TCP11: variants seen among roughly 807,000 people sequenced by gnomAD.
TCP11 encodes the protein T-complex protein 11 homolog.
A neutral mutation model predicts 45.0 loss-of-function variants in TCP11; 34 were observed. The ratio of observed to expected loss-of-function variants is 0.76; its 90% CI spans 0.57 to 1.01. TCP11 has a LOEUF of 1.01. Among genes scored for constraint, TCP11 ranks in the 50% least tolerant of loss-of-function variants. The pLI, the probability that TCP11 is intolerant of heterozygous loss-of-function variation, is 0.00. For synonymous variants in TCP11, 227 were observed against 227.0 expected, an observed-to-expected ratio of 1.00 and a Z score of 0.00; for missense variants, 523 against 598.1, an observed-to-expected ratio of 0.87 and a Z score of 1.31.
intron 3 of TCP11, among the ~76,000 whole-genome samples, chr6:35,132,489 T>C (rs1450517982): frequency 2.0e-5 from 3 of 152,244 alleles, no homozygotes; most frequent in Admixed American, 6.5e-5. Flanking sequence ...CTGCCTTATC[T>C]ATATCTCTAT....
intron 5 of TCP11, among the ~76,000 whole-genome samples, chr6:35,121,816 A>AG (rs1295557942): frequency 6.9e-6 from 1 of 144,740 alleles, no homozygotes; most frequent in Non-Finnish European, 1.5e-5. Flanking sequence ...TCAAAAAAAA[A>AG]GAAAGAAAAA....
chr6:35,135,922 C>A (rs1440739954), intron 3 of TCP11, among the ~76,000 whole-genome samples, 185 bp downstream of exon 3: 1 of 152,160 alleles, frequency 6.6e-6, no homozygotes, highest in Non-Finnish European at 1.5e-5. Flanking sequence ...GTAACATTTG[C>A]TTCTTGGCCT....
chr6:35,120,653 C>A lies in TCP11; in HGVS notation c.716-7G>T. On this transcript the variant is annotated splice_region_variant and splice_polypyrimidine_tract_variant and intron_variant, in intron 6 of 9. Transcript: ENST00000311875. The surrounding 1 kb of genome is among the most constrained non-coding windows in gnomAD (Gnocchi z 4.9). The stretch of plus-strand genomic sequence containing the variant: ...GTGGTGTGATTAAGGAGACCTATGA[C>A]AGGTAAGGGAGTGTGTAAGCATCTT... 1 of 1,611,520 alleles carries A rather than the reference C, an allele frequency of 6.2e-7. No individual in the cohort carries two copies. Among genetic ancestry groups the A allele is most frequent in the Non-Finnish European group, 8.5e-7 (1 of 1,179,080 alleles).
rs1779126915 is a variant in TCP11 at position 35,120,585 on chromosome 6, AG to A, written c.776del (p.Pro259LeufsTer39). On this transcript the variant is annotated frameshift_variant, in exon 7 of 10. Coordinates refer to ENST00000311875, the MANE Select transcript of TCP11 (RefSeq NM_001370687.1). LOFTEE classifies it high-confidence loss of function. The surrounding 1 kb of genome is among the most constrained non-coding windows in gnomAD (Gnocchi z 4.9). Reference protein sequence around the residue: ...TQAAGDLTMSPPTCPDTSDSS... With the variant: ...TQAAGDLTMSXPTCPDTSDSS... ...AGTCAGAAGTGTCTGGGCAAGTCGG[AG>A]GTGACATGGTGAGGTCTCCTGCTGC... 4 of 1,613,836 alleles carry A rather than the reference AG, an allele frequency of 2.5e-6. No homozygotes were observed. The highest frequency in any genetic ancestry group is 3.4e-6 in the Non-Finnish European group (4 of 1,180,016).
chr6:35,129,268 G>T, intron 3 of TCP11, 86 bp from the exon 4 acceptor site: 1 of 1,494,282 alleles, frequency 6.7e-7, no homozygotes. Context: ...AACTGAATTT[G>T]ATATGGTAAA....
At chr6:35,121,964 A>C (rs979436455) in intron 5 of TCP11, among the ~76,000 whole-genome samples, 153 bp downstream of exon 5, 14 of 152,216 alleles carry the variant, frequency 9.2e-5, no homozygotes, top group Admixed American at 7.9e-4. Flanking sequence ...TTGGAAAAGA[A>C]GAGTGAATTG....
At chr6:35,125,595 C>CT (rs1173608462) in intron 4 of TCP11, among the ~76,000 whole-genome samples, 1 of 152,174 alleles carries the variant, frequency 6.6e-6, no homozygotes, top group African/African-American at 2.4e-5. Context: ...CAACAGAAAA[C>CT]AGTTTGGCAG....
chr6:35,122,677 G>A (rs150631610), intron 4 of TCP11, among the ~76,000 whole-genome samples: 2 of 152,154 alleles, frequency 1.3e-5, no homozygotes, highest in East Asian at 3.9e-4. Context: ...TTAAAAGGGA[G>A]GCATTTTTTA....
intron 3 of TCP11, among the ~76,000 whole-genome samples, chr6:35,129,812 T>C (rs539420035): frequency 6.6e-6 from 1 of 152,288 alleles, no homozygotes; most frequent in East Asian, 1.9e-4. Flanking sequence ...TCTCACTCTG[T>C]TGCTCAGGTT....
At chr6:35,126,358 C>T (rs1175127395) in intron 4 of TCP11, among the ~76,000 whole-genome samples, 2 of 152,176 alleles carry the variant, frequency 1.3e-5, no homozygotes, top group East Asian at 3.9e-4. Context: ...ATGCTTCTGT[C>T]AGTACCAGCA....
chr6:35,126,196 A>G lies in TCP11; in HGVS notation c.357+2866T>C, dbSNP rs148015165. On this transcript the variant is annotated intron_variant, in intron 4 of 9. Transcript: ENST00000311875. ...AAAAAAAATTAAATAAATTTTTTAA[A>G]GCCCCCAATATGGCCCATTCCCCAG... 3.3e-5 allele frequency among the ~76,000 whole-genome samples: 5 copies of G among 152,384 alleles called. No homozygotes were observed. The East Asian group carries it at 5.8e-4, about 18-fold the overall frequency.
chr6:35,121,132 A>G lies in TCP11; in HGVS notation c.579-87T>C, dbSNP rs116297197. On this transcript the variant is annotated intron_variant, in intron 5 of 9. Transcript: ENST00000311875. ...TAAATCACTGTATTTTAGAGTTAGG[A>G]GGGGCTTAAGACTAACTTAGTCTTA... 9.0e-4 allele frequency: 1,291 copies of G among 1,440,482 alleles called. 11 individuals are homozygous for G. The African/African-American group carries it at 0.016, about 18-fold the overall frequency. The allele number at this position is 1,440,482 out of a possible 1,614,324, so 89.2% of individuals were successfully genotyped here. A position where few individuals can be genotyped will look rare whatever the true frequency, so the allele number is the denominator to read the frequency against.
At chr6:35,123,891 G>A (rs1312084395) in intron 4 of TCP11, among the ~76,000 whole-genome samples, 20 of 151,876 alleles carry the variant, frequency 1.3e-4, no homozygotes, top group Admixed American at 1.3e-3. Context: ...GGGCTCAAGT[G>A]ATCCTCCCAC....
intron 2 of TCP11, among the ~76,000 whole-genome samples, chr6:35,138,460 G>A (rs1040400337): frequency 3.3e-5 from 5 of 152,328 alleles, no homozygotes; most frequent in Non-Finnish European, 4.4e-5. Flanking sequence ...ATTATGTTAA[G>A]TGAATTAAGC....
At chr6:35,136,067 G>T in intron 3 of TCP11, 40 bp downstream of exon 3, 1 of 1,540,182 alleles carries the variant, frequency 6.5e-7, no homozygotes, top group Non-Finnish European at 8.9e-7. Context: ...AAGTACCTAA[G>T]CCAGGATGAG....
chr6:35,132,979 A>C (rs915109119), intron 3 of TCP11, among the ~76,000 whole-genome samples: 1 of 152,196 alleles, frequency 6.6e-6, no homozygotes, highest in South Asian at 2.1e-4. Flanking sequence ...CAAATCAAAG[A>C]AGCATGAAGA....
Position 35,136,237 on chromosome 6 carries a change from G to A in TCP11, c.125-19C>T, listed in dbSNP as rs756332076. 2 of 1,587,996 alleles carry A rather than the reference G, an allele frequency of 1.3e-6. No homozygotes were observed. The highest frequency in any genetic ancestry group is 1.7e-6 in the Non-Finnish European group (2 of 1,158,632). On this transcript the variant is annotated intron_variant, in intron 2 of 9. Transcript: ENST00000311875. ...GAAAGAACTGATGGTGGACAACAATGAGCCCATGCAAGTCTGAATTTCTAT... is the reference window on the plus strand; with the variant it reads ...GAAAGAACTGATGGTGGACAACAATAAGCCCATGCAAGTCTGAATTTCTAT...
chr6:35,133,610 T>C (rs1780709298), intron 3 of TCP11, among the ~76,000 whole-genome samples: 1 of 151,964 alleles, frequency 6.6e-6, no homozygotes, highest in Non-Finnish European at 1.5e-5. Flanking sequence ...GCCAACATGG[T>C]GAAACCCCAC....
rs1475817352 is a variant in TCP11, at chr6:35,122,105, C to G, written c.578+12G>C. On this transcript the variant is annotated intron_variant, in intron 5 of 9. Transcript: ENST00000311875. ...TAAAGCAGGTTTTTGGGGGCAGTAT[C>G]AAGTTTCATACCTCAGTAGCCAAAC... The G allele has an allele frequency of 6.2e-7, 1 of 1,614,044 alleles. No homozygotes were observed. Among genetic ancestry groups the G allele is most frequent in the Admixed American group, 1.7e-5 (1 of 60,020 alleles).
Sources: allele counts gnomAD v4.1 joint callset (sites outside exome capture counted in the v4.1 genomes callset), GRCh38; gene constraint gnomAD v4.1.1; non-coding constraint Gnocchi (gnomAD v3.1); transcripts MANE v1.5; gene names NCBI Gene and HGNC (gene_info 2026-07-23, HGNC 2026-07-21).